Variants in MYO1D observed in about 807,000 individuals in gnomAD.
MYO1D encodes the protein myosin ID.
A neutral mutation model predicts 122.0 loss-of-function variants in MYO1D; 83 were observed. The observed-to-expected ratio is 0.68, with a 90% CI of 0.57 to 0.82. The LOEUF (loss-of-function observed/expected upper bound fraction) is 0.82. Ranked by LOEUF, MYO1D falls within the 40% of genes least tolerant of loss-of-function variation. The pLI, the probability that MYO1D is intolerant of heterozygous loss-of-function variation, is 0.00. For missense variants in MYO1D, 1,157 were observed against 1,269.5 expected, an observed-to-expected ratio of 0.91 and a Z score of 1.35; for synonymous variants, 464 against 446.9, an observed-to-expected ratio of 1.04 and a Z score of -0.48.
chr17:32,869,275 G>A (rs1165464456), intron 1 of MYO1D, among the ~76,000 whole-genome samples: 2 of 152,058 alleles, frequency 1.3e-5, no homozygotes, highest in Non-Finnish European at 2.9e-5. Context: ...AAAGAAGCCT[G>A]CTTCCTACAG....
Position 32,654,555 on chromosome 17 carries a change from A to C in MYO1D, c.2412T>G (p.Val804=). 6.2e-7 allele frequency: 1 copy of C among 1,614,140 alleles called. No individual in the cohort carries two copies. The highest frequency in any genetic ancestry group is 8.5e-7 in the Non-Finnish European group (1 of 1,180,008). The part of the protein sequence containing the change: ...ASDLPQVRAK[V]AAVEMLKGQR... ...GACCCTTCAACATTTCCACGGCTGC[A>C]ACCTTTGCCCTGACCTGGGGCAGGT... is the stretch of plus-strand genomic sequence containing the variant. The change falls in exon 18 of 22, where the codon GTT becomes GTG. Residue 804 remains valine, a synonymous_variant. Transcript: ENST00000318217.
intron 14 of MYO1D, among the ~76,000 whole-genome samples, chr17:32,729,644 C>T (rs768455546): frequency 3.3e-5 from 5 of 152,164 alleles, no homozygotes; most frequent in Non-Finnish European, 4.4e-5. Context: ...AGTGAGCCTA[C>T]ACCTCATGGT....
chr17:32,752,499 A>T (rs956621614), intron 11 of MYO1D, among the ~76,000 whole-genome samples: 5 of 152,236 alleles, frequency 3.3e-5, no homozygotes, highest in African/African-American at 1.2e-4. Flanking sequence ...CAATCAGAGA[A>T]AATATCTGTA....
chr17:32,792,565 T>C (rs2090365127), intron 1 of MYO1D: 1 of 152,200 alleles, frequency 6.6e-6, no homozygotes, highest in African/African-American at 2.4e-5. Flanking sequence ...GTCAATTAGT[T>C]TTATCCCCTT....
At chr17:32,867,005 ATT>A (rs1191127339) in intron 1 of MYO1D, among the ~76,000 whole-genome samples, 2 of 152,278 alleles carry the variant, frequency 1.3e-5, no homozygotes, top group African/African-American at 4.8e-5. Context: ...TCTTAATTAT[ATT>A]GTCATCAGTT....
intron 21 of MYO1D, among the ~76,000 whole-genome samples, chr17:32,543,696 G>A (rs1910925197): frequency 6.6e-6 from 1 of 152,210 alleles, no homozygotes; most frequent in Non-Finnish European, 1.5e-5. Context: ...TAGGCGAGTG[G>A]CACCTGTGGA....
chr17:32,757,038 C>T (rs1290507489), intron 10 of MYO1D, among the ~76,000 whole-genome samples: 1 of 152,152 alleles, frequency 6.6e-6, no homozygotes, highest in Non-Finnish European at 1.5e-5. Context: ...CAGGAGTTAC[C>T]TAAACTGATT....
At chr17:32,838,970 A>G (rs1231342261) in intron 1 of MYO1D, among the ~76,000 whole-genome samples, 1 of 152,218 alleles carries the variant, frequency 6.6e-6, no homozygotes, top group Non-Finnish European at 1.5e-5. Flanking sequence ...TTAATATATG[A>G]AAAATTACAA....
At chr17:32,643,003 T>G (rs975626154) in intron 19 of MYO1D, among the ~76,000 whole-genome samples, 12 of 152,322 alleles carry the variant, frequency 7.9e-5, no homozygotes, top group Admixed American at 5.9e-4. Context: ...CTTGTGCCAG[T>G]TTTCAAAGGG....
At chr17:32,605,349 A>G (rs1319896886) in intron 20 of MYO1D, 108 bp from the exon 21 acceptor site, 2 of 1,020,766 alleles carry the variant, frequency 2.0e-6, no homozygotes, top group African/African-American at 3.2e-5. Flanking sequence ...AGTCCCAGCT[A>G]CTTGGGAGGC....
chr17:32,758,312 T>C (rs1398637206), intron 10 of MYO1D, among the ~76,000 whole-genome samples: 1 of 151,994 alleles, frequency 6.6e-6, no homozygotes, highest in Middle Eastern at 3.2e-3. Flanking sequence ...TATCAATCAA[T>C]CATAATGTAA....
intron 19 of MYO1D, among the ~76,000 whole-genome samples, chr17:32,646,362 G>C (rs2088294318): frequency 6.6e-6 from 1 of 152,090 alleles, no homozygotes. Flanking sequence ...CCAGCTACTT[G>C]GGAGGCTGAG....
At chr17:32,581,579 C>CT (rs996827776) in intron 21 of MYO1D, among the ~76,000 whole-genome samples, 24 of 149,146 alleles carry the variant, frequency 1.6e-4, no homozygotes, top group African/African-American at 4.4e-4. Flanking sequence ...CTCTCGCTCT[C>CT]TTTTTTTTTC....
intron 17 of MYO1D, among the ~76,000 whole-genome samples, chr17:32,655,873 T>C (rs972335039): frequency 5.3e-5 from 8 of 152,104 alleles, no homozygotes; most frequent in Admixed American, 1.3e-4. Flanking sequence ...TAAGGTGGCT[T>C]GGATCAGGGA....
intron 14 of MYO1D, among the ~76,000 whole-genome samples, chr17:32,728,912 G>T (rs1055241558): frequency 6.6e-6 from 1 of 152,180 alleles, no homozygotes; most frequent in African/African-American, 2.4e-5. Context: ...TAAGAAATGG[G>T]GGGAAGCCCT....
chr17:32,527,075 A>T (rs1352265162), intron 21 of MYO1D, among the ~76,000 whole-genome samples: 2 of 152,126 alleles, frequency 1.3e-5, no homozygotes, highest in Non-Finnish European at 2.9e-5. Flanking sequence ...CTCTACAAAC[A>T]CTTTTCGTAA....
chr17:32,874,965 G>A (rs2466830), intron 1 of MYO1D, among the ~76,000 whole-genome samples: 2 of 151,866 alleles, frequency 1.3e-5, no homozygotes, highest in African/African-American at 4.8e-5. Flanking sequence ...TTCTATTACA[G>A]AGGAGTAGTC....
intron 1 of MYO1D, chr17:32,830,239 T>C (rs1011233420): frequency 1.3e-5 from 2 of 152,126 alleles, no homozygotes; most frequent in Non-Finnish European, 2.9e-5. Context: ...TCAAGTGCAG[T>C]AGTGAGAAGG....
At chr17:32,599,161 T>A (rs1461107306) in intron 21 of MYO1D, among the ~76,000 whole-genome samples, 2 of 152,252 alleles carry the variant, frequency 1.3e-5, no homozygotes, top group East Asian at 3.8e-4. Flanking sequence ...CTTTCAAAAT[T>A]GGAGTCAATC....
Sources: allele counts gnomAD v4.1 joint callset (sites outside exome capture counted in the v4.1 genomes callset), GRCh38; gene constraint gnomAD v4.1.1; transcripts MANE v1.5; gene names NCBI Gene and HGNC (gene_info 2026-07-23, HGNC 2026-07-21).